The following CELF2 variants were observed in gnomAD, a reference collection of about 807,000 sequenced individuals.
CELF2 encodes the protein CUGBP Elav-like family member 2, also known as CUG triplet repeat RNA-binding protein 2.
In CELF2, 8 loss-of-function variants were observed where a neutral mutation model predicts 62.6. The observed-to-expected ratio is 0.13, with a 90% CI of 0.07 to 0.23. The LOEUF is 0.23. Ranked by LOEUF, CELF2 falls within the 10% of genes least tolerant of loss-of-function variation. The pLI, the probability that CELF2 is intolerant of heterozygous loss-of-function variation, is 1.00. For missense variants in CELF2, 333 were observed against 671.0 expected (o/e 0.50, Z 5.56); for synonymous variants, 258 against 250.0 (o/e 1.03, Z -0.30).
At chr10:10,785,375 T>C in the CELF2 span, among the ~76,000 whole-genome samples, 1 of 152,206 alleles carries the variant, frequency 6.6e-6, no homozygotes, top group African/African-American at 2.4e-5. Flanking sequence ...CTACTGGCTA[T>C]ATATCCAAAG....
At chr10:11,049,796 G>C (rs2063577057) in intron 1 of CELF2, among the ~76,000 whole-genome samples, 1 of 152,112 alleles carries the variant, frequency 6.6e-6, no homozygotes, top group South Asian at 2.1e-4. Flanking sequence ...GGGGCGGGGA[G>C]TGCTAAGTGT....
chr10:10,820,240 A>G (rs541194855), intron 1 of CELF2, among the ~76,000 whole-genome samples: 42 of 152,254 alleles, frequency 2.8e-4, no homozygotes, highest in Non-Finnish European at 5.0e-4. Context: ...GTACGTCTTT[A>G]TCAGCAGCAT....
At chr10:10,896,910 A>T (rs1205164130) in intron 1 of CELF2, among the ~76,000 whole-genome samples, 1 of 152,166 alleles carries the variant, frequency 6.6e-6, no homozygotes, top group Admixed American at 6.5e-5. Flanking sequence ...TAAGACTGGG[A>T]CCATCTGTAA....
chr10:10,865,460 A>G (rs529509014), intron 1 of CELF2, among the ~76,000 whole-genome samples: 6 of 152,388 alleles, frequency 3.9e-5, no homozygotes, highest in African/African-American at 9.6e-5. Flanking sequence ...GCTTCTGATT[A>G]TAATGAAGCC....
intron 2 of CELF2, among the ~76,000 whole-genome samples, chr10:10,969,248 C>A (rs1185795535): frequency 6.6e-6 from 1 of 152,128 alleles, no homozygotes; most frequent in Admixed American, 6.5e-5. Context: ...CAGAGCAAGA[C>A]TTTAAAAAGT....
the CELF2 span, among the ~76,000 whole-genome samples, chr10:10,659,535 G>A: frequency 6.6e-6 from 1 of 152,206 alleles, no homozygotes; most frequent in African/African-American, 2.4e-5. Context: ...TGGGGAGTGA[G>A]GAAGGAATCC....
intron 1 of CELF2, among the ~76,000 whole-genome samples, chr10:10,818,702 A>G (rs1385681945): frequency 6.6e-6 from 1 of 151,872 alleles, no homozygotes; most frequent in African/African-American, 2.4e-5. Context: ...TACTGCCATC[A>G]TGGGGTTATG....
the CELF2 span, among the ~76,000 whole-genome samples, chr10:10,686,195 T>A: frequency 6.6e-6 from 1 of 151,892 alleles, no homozygotes; most frequent in Non-Finnish European, 1.5e-5. Flanking sequence ...GATTGCAGAT[T>A]ACCTGGGAAA....
Position 11,278,872 on chromosome 10 carries a change from G to A in CELF2, c.841+3752G>A, listed in dbSNP as rs532439065. Among the ~76,000 whole-genome samples the A allele has an allele frequency of 2.0e-5, 3 of 152,342 alleles. No individual in the cohort carries two copies. The East Asian group carries it at 5.8e-4, about 29-fold the overall frequency. ...CGCATGGCCGGGCAACTGAGGCTTAGAGAGATGAGCAGACTTGTCCAAAGG... is the reference window on the plus strand; with the variant it reads ...CGCATGGCCGGGCAACTGAGGCTTAAAGAGATGAGCAGACTTGTCCAAAGG... On this transcript the variant is annotated intron_variant, in intron 8 of 12. Coordinates refer to ENST00000633077, the MANE Select transcript of CELF2 (RefSeq NM_001326342.2).
chr10:10,733,024 G>T, the CELF2 span, among the ~76,000 whole-genome samples: 1 of 152,160 alleles, frequency 6.6e-6, no homozygotes, highest in Non-Finnish European at 1.5e-5. Context: ...GGCTTAGCAT[G>T]GAGTACCTAT....
In CELF2 at chr10:11,321,446, A is replaced by C; in HGVS notation, c.1294+60A>C. ...CCCAACAGGCAGCACTGGCCTCTAG[A>C]GCACGGTTAGAAGGTATCAAATTGA... On this transcript the variant is annotated intron_variant, in intron 11 of 12. Transcript: ENST00000633077. The surrounding 1 kb of genome is among the most constrained non-coding windows in gnomAD (Gnocchi z 6.2). 17 of 1,381,568 alleles carry C rather than the reference A, an allele frequency of 1.2e-5. 1 individual carries two copies. Among genetic ancestry groups the C allele is most frequent in the South Asian group, 4.7e-5 (4 of 84,686 alleles). 85.6% of individuals were successfully genotyped at this position (1,381,568 alleles called of 1,614,324 possible). A position where few individuals can be genotyped will look rare whatever the true frequency, so the allele number is the denominator to read the frequency against.
rs1468245720 is a variant in CELF2, at chr10:11,011,005, A to C, written c.53+5565A>C. 2 of 152,204 alleles carry C rather than the reference A, an allele frequency of 1.3e-5. No homozygotes were observed. The highest frequency in any genetic ancestry group is 2.9e-5 in the Non-Finnish European group (2 of 68,054). 9.4% of individuals were successfully genotyped at this position (152,204 alleles called of 1,614,324 possible). On this transcript the variant is annotated intron_variant, in intron 1 of 12. Coordinates refer to the CELF2 transcript ENST00000416382. The surrounding 1 kb of genome is among the most constrained non-coding windows in gnomAD (Gnocchi z 4.6). ...GAAGGAAGAAAGGAAACATTTTTGAAAGTACCAATGTAGATTCTAACAACT... is the reference window on the plus strand; with the variant it reads ...GAAGGAAGAAAGGAAACATTTTTGACAGTACCAATGTAGATTCTAACAACT...
the CELF2 span, among the ~76,000 whole-genome samples, chr10:10,733,534 A>G: frequency 6.6e-6 from 1 of 152,156 alleles, no homozygotes; most frequent in Non-Finnish European, 1.5e-5. Context: ...GTGTTTTCAC[A>G]CTGCTGATAA....
the CELF2 span, among the ~76,000 whole-genome samples, chr10:10,663,399 C>CTGAT: frequency 1.3e-5 from 2 of 152,194 alleles, no homozygotes; most frequent in African/African-American, 2.4e-5. Context: ...TATTCATACA[C>CTGAT]TGATAGAGAA....
chr10:10,466,721 C>A, the CELF2 span, among the ~76,000 whole-genome samples: 10 of 152,060 alleles, frequency 6.6e-5, no homozygotes, highest in Non-Finnish European at 1.3e-4. Flanking sequence ...TTGTGTATTG[C>A]CAGTCTTTTC....
At chr10:10,848,698 CCTA>C (rs1205268711) in intron 1 of CELF2, among the ~76,000 whole-genome samples, 1 of 152,080 alleles carries the variant, frequency 6.6e-6, no homozygotes, top group Non-Finnish European at 1.5e-5. Flanking sequence ...GGATCTTTCT[CCTA>C]GGCCAGCGTG....
Position 11,270,612 on chromosome 10 carries a change from C to T in CELF2, c.619-54C>T, listed in dbSNP as rs1164171574. The T allele has an allele frequency of 2.4e-5, 33 of 1,354,954 alleles. No homozygotes were observed. The highest frequency in any genetic ancestry group is 1.4e-4 in the East Asian group (5 of 36,432). 83.9% of individuals were successfully genotyped at this position (1,354,954 alleles called of 1,614,324 possible). On this transcript the variant is annotated intron_variant, in intron 6 of 12. Coordinates refer to ENST00000633077, the MANE Select transcript of CELF2 (RefSeq NM_001326342.2). The surrounding 1 kb of genome is among the most constrained non-coding windows in gnomAD (Gnocchi z 5.8). ...TAGCTCCGGTGCTGAGTGTCGTGAG[C>T]GGATTCCGCCAGCCTGTAACCCCCT...
rs1168932032 is a variant in CELF2, at chr10:11,086,578, T to TAAAAAAAAAAAAAAA, written c.74+68433_74+68447dup. On this transcript the variant is annotated intron_variant, in intron 1 of 12. Coordinates refer to ENST00000633077, the MANE Select transcript of CELF2 (RefSeq NM_001326342.2). ...AATCCATGTCTCCATTTGCATTTGT[T>TAAAAAAAAAAAAAAA]AAAAAAAAAAAAAAAAAAAAAAAAA... Among the ~76,000 whole-genome samples, 27 of 71,982 alleles carry TAAAAAAAAAAAAAAA rather than the reference T, an allele frequency of 3.8e-4. 3 individuals are homozygous for TAAAAAAAAAAAAAAA. The highest frequency in any genetic ancestry group is 2.4e-3 in the East Asian group (3 of 1,266). 47.2% of individuals were successfully genotyped at this position (71,982 alleles called of 152,430 possible). A position where few individuals can be genotyped will look rare whatever the true frequency, so the allele number is the denominator to read the frequency against.
At chr10:10,510,107 C>G in the CELF2 span, among the ~76,000 whole-genome samples, 2 of 152,206 alleles carry the variant, frequency 1.3e-5, no homozygotes, top group Non-Finnish European at 2.9e-5. Context: ...TTATACTTAT[C>G]CAACCCATAA....
Sources: allele counts gnomAD v4.1 joint callset (sites outside exome capture counted in the v4.1 genomes callset), GRCh38; gene constraint gnomAD v4.1.1; non-coding constraint Gnocchi (gnomAD v3.1); transcripts MANE v1.5; gene names NCBI Gene and HGNC (gene_info 2026-07-23, HGNC 2026-07-21).